Variants in COL11A1 observed in about 807,000 individuals in gnomAD.
COL11A1 encodes the protein collagen alpha-1(XI) chain.
Under a neutral mutation model 265.2 loss-of-function variants are expected in COL11A1, and 74 were observed. The ratio of observed to expected loss-of-function variants is 0.28; its 90% CI spans 0.23 to 0.34. The LOEUF is 0.34. Ranked by LOEUF, COL11A1 falls within the 10% of genes least tolerant of loss-of-function variation. The probability of loss-of-function intolerance (pLI) is 1.00; values close to 1 mark genes in which losing one functional copy is unlikely to be tolerated. For synonymous variants in COL11A1, 816 were observed against 727.6 expected (o/e 1.12, Z -1.96); for missense variants, 2,165 against 2,263.6 (o/e 0.96, Z 0.88).
intron 54 of COL11A1, 142 bp downstream of exon 54, chr1:102,912,017 G>T: frequency 2.9e-6 from 2 of 691,456 alleles, no homozygotes; most frequent in South Asian, 4.1e-5. Context: ...TTATTATTTG[G>T]CACATTTAAA....
chr1:103,057,932 C>T (rs1474390640), intron 4 of COL11A1, among the ~76,000 whole-genome samples: 3 of 152,096 alleles, frequency 2.0e-5, no homozygotes, highest in Admixed American at 1.3e-4. Context: ...CTTAAAGTAG[C>T]CAGCTGCATT....
chr1:102,918,118 G>A (rs1655564860), intron 49 of COL11A1, among the ~76,000 whole-genome samples: 1 of 151,164 alleles, frequency 6.6e-6, no homozygotes, highest in Non-Finnish European at 1.5e-5. Flanking sequence ...TCATTCTGAA[G>A]AATAATAATT....
intron 8 of COL11A1, among the ~76,000 whole-genome samples, chr1:103,022,488 G>A (rs1258615065): frequency 6.6e-6 from 1 of 152,048 alleles, no homozygotes; most frequent in Non-Finnish European, 1.5e-5. Context: ...TCTTATCAAT[G>A]ACAAAATTTC....
At chr1:102,894,636 T>A (rs1652180081) in intron 57 of COL11A1, among the ~76,000 whole-genome samples, 1 of 152,254 alleles carries the variant, frequency 6.6e-6, no homozygotes, top group Non-Finnish European at 1.5e-5. Flanking sequence ...ATGAAAATTT[T>A]AAAAATCCTT....
intron 4 of COL11A1, among the ~76,000 whole-genome samples, chr1:103,049,454 A>G (rs1012089300): frequency 6.6e-6 from 1 of 152,126 alleles, no homozygotes; most frequent in South Asian, 2.1e-4. Context: ...TTTGCTTGGT[A>G]GATCTTCCTC....
At chr1:102,981,336 A>G (rs966713452) in intron 31 of COL11A1, among the ~76,000 whole-genome samples, 2 of 152,040 alleles carry the variant, frequency 1.3e-5, no homozygotes, top group African/African-American at 4.8e-5. Context: ...CAGTATTACT[A>G]TGTGACTATT....
intron 37 of COL11A1, among the ~76,000 whole-genome samples, chr1:102,967,240 T>TTTTA (rs1661502610): frequency 4.8e-5 from 5 of 103,560 alleles, no homozygotes; most frequent in South Asian, 4.4e-4. Flanking sequence ...TTTTTTTTTT[T>TTTTA]TTTTTTTTTT....
intron 57 of COL11A1, among the ~76,000 whole-genome samples, chr1:102,895,717 T>C (rs934000984): frequency 6.6e-6 from 1 of 151,486 alleles, no homozygotes; most frequent in African/African-American, 2.4e-5. Context: ...GTTCCTTCTT[T>C]AATAATCGTA....
At chr1:103,050,544 G>C (rs12057584) in intron 4 of COL11A1, among the ~76,000 whole-genome samples, 1 of 151,918 alleles carries the variant, frequency 6.6e-6, no homozygotes, top group East Asian at 1.9e-4. Context: ...CCATTGGTTC[G>C]AACTTCCTCC....
At chr1:102,917,943 G>A (rs1204085466) in intron 49 of COL11A1, among the ~76,000 whole-genome samples, 1 of 151,458 alleles carries the variant, frequency 6.6e-6, no homozygotes, top group African/African-American at 2.4e-5. Context: ...ATCCAAGTGT[G>A]CACAATGTAA....
intron 50 of COL11A1, 35 bp downstream of exon 50, chr1:102,915,596 A>G (rs781563180): frequency 3.2e-5 from 50 of 1,583,340 alleles, no homozygotes; most frequent in Non-Finnish European, 4.1e-5. Flanking sequence ...TCCCAAACCA[A>G]TAATACACTA....
chr1:103,003,167 G>T, intron 21 of COL11A1, 48 bp downstream of exon 21: 1 of 1,598,560 alleles, frequency 6.3e-7, no homozygotes, highest in Non-Finnish European at 8.6e-7. Context: ...TAAAAGGTTG[G>T]CAACAAGCTT....
At chr1:102,987,810 T>G (rs994836718) in intron 29 of COL11A1, 70 bp from the exon 30 acceptor site, 12 of 1,143,020 alleles carry the variant, frequency 1.0e-5, no homozygotes, top group Non-Finnish European at 1.6e-5. Context: ...GGGAAAAAAT[T>G]ATGACAGTGA....
intron 14 of COL11A1, among the ~76,000 whole-genome samples, chr1:103,011,760 T>A (rs1325356832): frequency 6.6e-6 from 1 of 152,094 alleles, no homozygotes. Context: ...TATTCTAAAA[T>A]TAATGAGAAT....
chr1:103,031,396 G>T, intron 4 of COL11A1, 152 bp from the exon 5 acceptor site: 1 of 950,506 alleles, frequency 1.1e-6, no homozygotes, highest in Non-Finnish European at 1.5e-6. Flanking sequence ...AGTCTTATAG[G>T]ATTGAAAGAG....
At chr1:103,023,560 T>C (rs1357693506) in intron 7 of COL11A1, among the ~76,000 whole-genome samples, 3 of 152,126 alleles carry the variant, frequency 2.0e-5, no homozygotes, top group Non-Finnish European at 4.4e-5. Flanking sequence ...TTTCTCCATG[T>C]TGATCAGGCT....
At chr1:103,091,511 G>T (rs1673321827) in intron 1 of COL11A1, among the ~76,000 whole-genome samples, 1 of 151,874 alleles carries the variant, frequency 6.6e-6, no homozygotes, top group Non-Finnish European at 1.5e-5. Flanking sequence ...CAAAATTAAA[G>T]AAATAAACTA....
chr1:102,965,232 T>G (rs962581342), intron 38 of COL11A1, among the ~76,000 whole-genome samples: 6 of 152,226 alleles, frequency 3.9e-5, no homozygotes, highest in African/African-American at 1.4e-4. Flanking sequence ...AAATTCAGTG[T>G]GAACTTTCTG....
intron 46 of COL11A1, among the ~76,000 whole-genome samples, chr1:102,934,086 G>C (rs1309107339): frequency 6.6e-6 from 1 of 152,218 alleles, no homozygotes; most frequent in African/African-American, 2.4e-5. Context: ...GACTGGAGCT[G>C]TTCCTATTCG....
Sources: gnomAD v4.1 joint callset for allele counts (sites outside exome capture counted in the v4.1 genomes callset) on GRCh38, gnomAD v4.1.1 for gene constraint, MANE v1.5 for transcripts, NCBI Gene and HGNC (gene_info 2026-07-23, HGNC 2026-07-21) for gene names.